TIAM1: variants seen among roughly 807,000 people sequenced by gnomAD.
TIAM1 encodes rho guanine nucleotide exchange factor TIAM1.
TIAM1 carries 65 observed loss-of-function variants against 163.5 expected under a neutral mutation model. The ratio of observed to expected loss-of-function variants is 0.40; its 90% CI spans 0.33 to 0.49. TIAM1 has a LOEUF of 0.49. Among genes scored for constraint, TIAM1 ranks in the 20% least tolerant of loss-of-function variants. The pLI, the probability that TIAM1 is intolerant of heterozygous loss-of-function variation, is 0.77. For synonymous variants in TIAM1, 833 were observed against 810.1 expected (o/e 1.03, Z -0.48); for missense variants, 1,789 against 2,044.7 (o/e 0.87, Z 2.41).
At position 31,246,013 on chromosome 21, in the gene TIAM1, C is replaced by T. The variant is rs538357989; in HGVS notation, c.1412-353G>A. ...AGAGGTCCTCCAGGCCAGAACTTTG[C>T]CTGGCACTATGTGAGGATCAGAAGT... On this transcript the variant is annotated intron_variant, in intron 5 of 27. Transcript: ENST00000541036. Among the ~76,000 whole-genome samples, 15 of 152,264 alleles carry T rather than the reference C, an allele frequency of 9.9e-5. No homozygotes were observed. The South Asian group carries it at 3.1e-3, about 32-fold the overall frequency.
At chr21:31,127,562 A>T (rs753153321) in intron 25 of TIAM1, among the ~76,000 whole-genome samples, 1 of 151,914 alleles carries the variant, frequency 6.6e-6, no homozygotes, top group Non-Finnish European at 1.5e-5. Context: ...GGGATTACAG[A>T]TGTGCACCCC....
At chr21:31,137,515 T>C (rs1041596807) in intron 22 of TIAM1, among the ~76,000 whole-genome samples, 5 of 152,034 alleles carry the variant, frequency 3.3e-5, no homozygotes, top group South Asian at 2.1e-4. Flanking sequence ...AGGAGTTACA[T>C]ACAAAAGACA....
chr21:31,397,683 T>G (rs2077096453), intron 2 of TIAM1, among the ~76,000 whole-genome samples: 1 of 152,120 alleles, frequency 6.6e-6, no homozygotes, highest in Admixed American at 6.6e-5. Context: ...TCCAAATCTG[T>G]TAGGGGGAGT....
intron 1 of TIAM1, among the ~76,000 whole-genome samples, chr21:31,547,340 G>GAA (rs1159908895): frequency 2.0e-5 from 3 of 152,120 alleles, no homozygotes; most frequent in Non-Finnish European, 4.4e-5. Flanking sequence ...ATTCTTACTT[G>GAA]AAGTCCACTG....
At chr21:31,499,438 C>T (rs1221442663) in intron 1 of TIAM1, among the ~76,000 whole-genome samples, 1 of 151,860 alleles carries the variant, frequency 6.6e-6, no homozygotes, top group African/African-American at 2.4e-5. Flanking sequence ...GTACACGCTG[C>T]ACGGGGGCAT....
chr21:31,558,087 G>A (rs2048950250), intron 1 of TIAM1, among the ~76,000 whole-genome samples: 1 of 152,184 alleles, frequency 6.6e-6, no homozygotes, highest in African/African-American at 2.4e-5. Context: ...GCCGGGGCTG[G>A]GGGGCGCACG....
In TIAM1 at chr21:31,266,497, A is replaced by G. The variant is rs1411352180; in HGVS notation, c.476T>C (p.Phe159Ser). The G allele has an allele frequency of 1.2e-6, 2 of 1,614,188 alleles. No homozygotes were observed. The highest frequency in any genetic ancestry group is 2.2e-5 in the East Asian group (1 of 44,876). The change falls in exon 4 of 28, where the codon TTC becomes TCC. Residue 159 changes from phenylalanine to serine, a missense_variant. Coordinates refer to ENST00000541036, the MANE Select transcript of TIAM1 (RefSeq NM_001353694.2). ...CTTCTTAAAGCTCGCCGTCTCCATG[A>G]AAGTGGGCCCATTGGATGTATAGGA... Reference protein sequence around the residue: ...QHSYTSNGPTFMETASFKKKR... With the variant: ...QHSYTSNGPTSMETASFKKKR...
chr21:31,519,514 A>G (rs952278702), intron 1 of TIAM1, among the ~76,000 whole-genome samples: 3 of 150,268 alleles, frequency 2.0e-5, no homozygotes, highest in African/African-American at 7.3e-5. Flanking sequence ...GTCTCAAAAA[A>G]AAAAAAAAAA....
At position 31,118,865 on chromosome 21, in the gene TIAM1, G is replaced by A. The variant is rs1008177140; in HGVS notation, c.*1503C>T. 1.5e-5 allele frequency: 5 copies of A among 339,290 alleles called. No individual in the cohort carries two copies. Among genetic ancestry groups the A allele is most frequent in the Non-Finnish European group, 2.9e-5 (5 of 173,960 alleles). 21.0% of individuals were successfully genotyped at this position (339,290 alleles called of 1,614,324 possible). On this transcript the variant is annotated 3_prime_UTR_variant, in exon 28 of 28. Transcript: ENST00000541036. ...ACAGGGTGGGAACGCAGGAAAAGCA[G>A]GCAGAGGCACAAGAGCATGATGTAC... is the stretch of plus-strand genomic sequence containing the variant.
intron 2 of TIAM1, among the ~76,000 whole-genome samples, chr21:31,335,949 C>T (rs1266271331): frequency 6.6e-6 from 1 of 152,162 alleles, no homozygotes; most frequent in Non-Finnish European, 1.5e-5. Flanking sequence ...AGAATACGCA[C>T]AGGCTCAGAG....
chr21:31,124,384 C>T (rs1168002513), intron 27 of TIAM1, 138 bp downstream of exon 27: 4 of 1,284,270 alleles, frequency 3.1e-6, no homozygotes, highest in Non-Finnish European at 3.1e-6. Flanking sequence ...GAACCTCACA[C>T]CAGGGAAAAA....
intron 2 of TIAM1, among the ~76,000 whole-genome samples, chr21:31,435,429 A>G (rs1397084330): frequency 6.6e-6 from 1 of 152,212 alleles, no homozygotes; most frequent in African/African-American, 2.4e-5. Context: ...TAATTCCAGG[A>G]AATTGATGAA....
chr21:31,415,962 A>T (rs2043358005), intron 2 of TIAM1, among the ~76,000 whole-genome samples: 1 of 152,112 alleles, frequency 6.6e-6, no homozygotes, highest in African/African-American at 2.4e-5. Context: ...CCCACCAACC[A>T]GCCTTCCCAA....
In TIAM1 at chr21:31,141,672, AG is replaced by A. The variant is rs1217525777; in HGVS notation, c.3476-169del. On this transcript the variant is annotated intron_variant, in intron 20 of 27. Coordinates refer to ENST00000541036, the MANE Select transcript of TIAM1 (RefSeq NM_001353694.2). The surrounding 1 kb of genome is among the most constrained non-coding windows in gnomAD (Gnocchi z 4.7). Reference sequence around the variant, plus strand: ...GGGAGGGGGCAGTCAGGGAGACCACAGGCAGTCAGATCTATGTATTTATGTG... The same window carrying A: ...GGGAGGGGGCAGTCAGGGAGACCACAGCAGTCAGATCTATGTATTTATGTG... Among the ~76,000 whole-genome samples, 7 of 151,886 alleles carry A rather than the reference AG, an allele frequency of 4.6e-5. No homozygotes were observed. The highest frequency in any genetic ancestry group is 1.0e-4 in the Non-Finnish European group (7 of 67,994).
intron 2 of TIAM1, among the ~76,000 whole-genome samples, chr21:31,434,185 G>A (rs912220993): frequency 2.0e-5 from 3 of 152,078 alleles, no homozygotes; most frequent in African/African-American, 7.3e-5. Context: ...TCTACATCCA[G>A]CTAAGATGCA....
At chr21:31,519,386 G>A (rs888867293) in intron 1 of TIAM1, among the ~76,000 whole-genome samples, 1 of 147,474 alleles carries the variant, frequency 6.8e-6, no homozygotes, top group African/African-American at 2.5e-5. Flanking sequence ...GCCCATGTTT[G>A]TCATCCCAGC....
intron 6 of TIAM1, among the ~76,000 whole-genome samples, chr21:31,228,660 T>C (rs1446983807): frequency 6.6e-6 from 1 of 152,176 alleles, no homozygotes; most frequent in East Asian, 1.9e-4. Context: ...GCACACATCT[T>C]GTTGGGGAAG....
At chr21:31,150,276 A>C (rs570278332) in intron 19 of TIAM1, among the ~76,000 whole-genome samples, 2 of 152,324 alleles carry the variant, frequency 1.3e-5, no homozygotes, top group African/African-American at 4.8e-5. Context: ...CAATGTAAAG[A>C]GATAACACAT....
intron 2 of TIAM1, among the ~76,000 whole-genome samples, chr21:31,299,522 C>T (rs536307761): frequency 6.2e-4 from 95 of 152,266 alleles, no homozygotes; most frequent in Admixed American, 1.1e-3. Context: ...AAAGCCCTTA[C>T]GGGTTAATTA....
Sources: allele counts gnomAD v4.1 joint callset (sites outside exome capture counted in the v4.1 genomes callset), GRCh38; gene constraint gnomAD v4.1.1; non-coding constraint Gnocchi (gnomAD v3.1); transcripts MANE v1.5; gene names NCBI Gene and HGNC (gene_info 2026-07-23, HGNC 2026-07-21).